ADAMTS18: variants seen among roughly 807,000 people sequenced by gnomAD.
ADAMTS18 encodes A disintegrin and metalloproteinase with thrombospondin motifs 18.
In ADAMTS18, 157 loss-of-function variants were observed where a neutral mutation model predicts 165.9. That is an observed-to-expected ratio of 0.95 (90% CI 0.83 to 1.08). ADAMTS18 has a LOEUF of 1.08. Ranked by LOEUF, ADAMTS18 falls within the 50% of genes least tolerant of loss-of-function variation. The pLI, the probability that ADAMTS18 is intolerant of heterozygous loss-of-function variation, is 0.00. For synonymous variants in ADAMTS18, 782 were observed against 578.2 expected (o/e 1.35, Z -5.06); for missense variants, 2,040 against 1,534.0 (o/e 1.33, Z -5.51).
At chr16:77,313,099 G>C (rs921162309) in intron 16 of ADAMTS18, among the ~76,000 whole-genome samples, 1 of 108,296 alleles carries the variant, frequency 9.2e-6, no homozygotes, top group Non-Finnish European at 1.9e-5. Context: ...ATGCACCATG[G>C]AATACTATGC....
chr16:77,360,401 C>A (rs1331314782), intron 7 of ADAMTS18, among the ~76,000 whole-genome samples: 1 of 152,176 alleles, frequency 6.6e-6, no homozygotes, highest in Non-Finnish European at 1.5e-5. Context: ...ACTCAGGAAT[C>A]AACCACAGAC....
At chr16:77,356,358 A>G (rs1252728706) in intron 8 of ADAMTS18, among the ~76,000 whole-genome samples, 1 of 152,222 alleles carries the variant, frequency 6.6e-6, no homozygotes, top group East Asian at 1.9e-4. Context: ...TGCTCAAGTT[A>G]AAATTTAGGT....
At chr16:77,354,294 C>T (rs1033003301) in intron 9 of ADAMTS18, among the ~76,000 whole-genome samples, 5 of 152,150 alleles carry the variant, frequency 3.3e-5, no homozygotes, top group African/African-American at 4.8e-5. Flanking sequence ...TACCTGTCTT[C>T]ATGGAGTTTT....
At chr16:77,404,913 C>A (rs1010370288) in intron 3 of ADAMTS18, among the ~76,000 whole-genome samples, 3 of 152,160 alleles carry the variant, frequency 2.0e-5, no homozygotes, top group Non-Finnish European at 2.9e-5. Flanking sequence ...TTAACACAGT[C>A]TGGGAGTATC....
In ADAMTS18 at chr16:77,291,342, G is replaced by T. The variant is rs2055359686; in HGVS notation, c.3326C>A (p.Thr1109Asn). 1.2e-6 allele frequency: 2 copies of T among 1,614,084 alleles called. No homozygotes were observed. The highest frequency in any genetic ancestry group is 2.2e-5 in the East Asian group (1 of 44,886). The stretch of plus-strand genomic sequence containing the variant: ...GGCTGGGCAAGCCCGTCGGTTGCAG[G>T]TCTCTTCCAAGTCCAGATTTGGTTT... ...IKKPNLDLEE[T>N]CNRRACPAHP... The change falls in exon 21 of 23, where the codon ACC becomes AAC. Residue 1109 changes from threonine to asparagine, a missense_variant. By Grantham distance (65) the Thr-to-Asn change is moderately conservative. Coordinates refer to ENST00000282849, the MANE Select transcript of ADAMTS18 (RefSeq NM_199355.4).
chr16:77,399,451 G>C (rs1410102309), intron 3 of ADAMTS18, among the ~76,000 whole-genome samples: 2 of 152,156 alleles, frequency 1.3e-5, no homozygotes, highest in Non-Finnish European at 2.9e-5. Context: ...CCTCAGAGAA[G>C]CTAGAGGAGT....
At chr16:77,301,796 G>C (rs1458962412) in intron 16 of ADAMTS18, among the ~76,000 whole-genome samples, 1 of 152,132 alleles carries the variant, frequency 6.6e-6, no homozygotes, top group Non-Finnish European at 1.5e-5. Flanking sequence ...TCAGTTTGTA[G>C]AGCAACAAAA....
At chr16:77,421,633 T>C (rs2144849488) in intron 3 of ADAMTS18, among the ~76,000 whole-genome samples, 1 of 152,328 alleles carries the variant, frequency 6.6e-6, no homozygotes, top group East Asian at 1.9e-4. Context: ...TTGCATGTTA[T>C]ACAAGCCAGG....
intron 3 of ADAMTS18, among the ~76,000 whole-genome samples, chr16:77,399,210 T>C (rs958235800): frequency 6.6e-6 from 1 of 152,184 alleles, no homozygotes; most frequent in African/African-American, 2.4e-5. Context: ...GCTGTGCACA[T>C]TGCTGTCTTT....
chr16:77,434,030 TCA>T (rs2057767649), intron 2 of ADAMTS18, among the ~76,000 whole-genome samples: 1 of 152,092 alleles, frequency 6.6e-6, no homozygotes, highest in South Asian at 2.1e-4. Context: ...GGAAAGAGGC[TCA>T]CATTCTTTCA....
chr16:77,351,804 C>G (rs1239733414), intron 10 of ADAMTS18, among the ~76,000 whole-genome samples: 1 of 152,012 alleles, frequency 6.6e-6, no homozygotes, highest in Non-Finnish European at 1.5e-5. Context: ...GTGCTATCAT[C>G]CTTCACTTCA....
chr16:77,389,507 G>C (rs2057156435), intron 3 of ADAMTS18, among the ~76,000 whole-genome samples: 2 of 152,150 alleles, frequency 1.3e-5, no homozygotes, highest in Non-Finnish European at 2.9e-5. Context: ...TAATGGGCCA[G>C]GCACTGAAGT....
At chr16:77,397,417 T>C (rs1314247583) in intron 3 of ADAMTS18, among the ~76,000 whole-genome samples, 1 of 152,224 alleles carries the variant, frequency 6.6e-6, no homozygotes, top group African/African-American at 2.4e-5. Flanking sequence ...GCAAACATTT[T>C]CATTATCATT....
chr16:77,318,063 T>C (rs1474301105), intron 16 of ADAMTS18, among the ~76,000 whole-genome samples: 1 of 152,128 alleles, frequency 6.6e-6, no homozygotes, highest in Non-Finnish European at 1.5e-5. Context: ...TTAACATATA[T>C]AAGATAGAGG....
chr16:77,376,806 A>ATTT (rs2056959887), intron 3 of ADAMTS18, among the ~76,000 whole-genome samples: 2 of 118,456 alleles, frequency 1.7e-5, no homozygotes, highest in African/African-American at 6.0e-5. Flanking sequence ...GGCCTAAATC[A>ATTT]TTCTTTTTTT....
rs2056019775 is a variant in ADAMTS18 at position 77,322,436 on chromosome 16, G to C, written c.2063C>G (p.Ala688Gly). Residue 688 changes from alanine to glycine, a missense_variant, in exon 14 of 23, where the codon GCT becomes GGT. Physicochemically the swap from Ala to Gly is moderately conservative, Grantham distance 60. Transcript: ENST00000282849. Reference protein sequence around the residue: ...EEDRCKLYCKAENFEFFFAMS... With the variant: ...EEDRCKLYCKGENFEFFFAMS... ...TGCAAAAAAAAATTCAAAGTTCTCA[G>C]CCTTGCAGTACAGTTTGCATCGATC... 1 of 1,613,900 alleles carries C rather than the reference G, an allele frequency of 6.2e-7. No individual in the cohort carries two copies. Among genetic ancestry groups the C allele is most frequent in the African/African-American group, 1.3e-5 (1 of 74,898 alleles).
intron 3 of ADAMTS18, among the ~76,000 whole-genome samples, chr16:77,372,583 T>C (rs2056891785): frequency 6.6e-6 from 1 of 152,198 alleles, no homozygotes; most frequent in Non-Finnish European, 1.5e-5. Flanking sequence ...TTTCAGGCAT[T>C]GCCATAAACA....
intron 3 of ADAMTS18, among the ~76,000 whole-genome samples, chr16:77,412,655 G>T (rs770199410): frequency 6.6e-6 from 1 of 152,120 alleles, no homozygotes; most frequent in Non-Finnish European, 1.5e-5. Context: ...AAGGTGAAAC[G>T]CACGTCTTAC....
rs1260466954 is a variant in ADAMTS18, at chr16:77,434,451, C to G, written c.145G>C (p.Asp49His). The change falls in exon 2 of 23, where the codon GAC (aspartate) becomes CAC (histidine). Residue 49 changes from aspartate to histidine, a missense_variant. By Grantham distance (81) the Asp-to-His change is moderately conservative. Coordinates refer to ENST00000282849, the MANE Select transcript of ADAMTS18 (RefSeq NM_199355.4). ...CASVAAALAS[D>H]SSSGASGLND... is the part of the protein sequence containing the mutation. Reference sequence around the variant, plus strand: ...AATCCGCTGGCGCCGCTGCTGCTGTCACTGGCTAAGGCCGCGGCGACCGAC... The same window carrying G: ...AATCCGCTGGCGCCGCTGCTGCTGTGACTGGCTAAGGCCGCGGCGACCGAC... 6.4e-7 allele frequency: 1 copy of G among 1,574,252 alleles called. No homozygotes were observed. The highest frequency in any genetic ancestry group is 2.3e-5 in the East Asian group (1 of 43,840).
Sources: allele counts gnomAD v4.1 joint callset (sites outside exome capture counted in the v4.1 genomes callset), GRCh38; gene constraint gnomAD v4.1.1; transcripts MANE v1.5; gene names NCBI Gene and HGNC (gene_info 2026-07-23, HGNC 2026-07-21).